The following SNX29 variants were observed in gnomAD, a reference collection of about 807,000 sequenced individuals.
The protein encoded by SNX29 is sorting nexin-29.
Under a neutral mutation model 102.1 loss-of-function variants are expected in SNX29, and 78 were observed. The observed-to-expected ratio is 0.76, with a 90% CI of 0.64 to 0.92. The LOEUF is 0.92. SNX29 is among the 40% of genes least tolerant of loss of function. The probability of loss-of-function intolerance (pLI) is 0.00; values close to 1 mark genes in which losing one functional copy is unlikely to be tolerated. For missense variants in SNX29, 1,280 were observed against 1,061.7 expected, an observed-to-expected ratio of 1.21 and a Z score of -2.86; for synonymous variants, 580 against 414.5, an observed-to-expected ratio of 1.40 and a Z score of -4.85.
At chr16:12,283,355 CTG>C (rs1286979185) in intron 15 of SNX29, among the ~76,000 whole-genome samples, 14 of 147,230 alleles carry the variant, frequency 9.5e-5, no homozygotes, top group Admixed American at 2.7e-4. Flanking sequence ...GAGCCTCACT[CTG>C]TCACCAGGCT....
At chr16:12,429,426 C>G (rs1372251277) in intron 18 of SNX29, among the ~76,000 whole-genome samples, 1 of 152,108 alleles carries the variant, frequency 6.6e-6, no homozygotes, top group East Asian at 1.9e-4. Context: ...TTCTGCTTTT[C>G]TTTTTCCTCT....
intron 13 of SNX29, among the ~76,000 whole-genome samples, chr16:12,186,888 T>A (rs923381305): frequency 2.6e-5 from 4 of 152,232 alleles, no homozygotes; most frequent in African/African-American, 7.2e-5. Flanking sequence ...CAAGTAGACT[T>A]CTGGTCTCAC....
intron 18 of SNX29, among the ~76,000 whole-genome samples, chr16:12,460,011 G>A (rs2086710346): frequency 6.6e-6 from 1 of 152,202 alleles, no homozygotes; most frequent in Admixed American, 6.5e-5. Flanking sequence ...ACAGAAGCAT[G>A]GCTCAGCTTC....
At chr16:12,470,701 C>T (rs1049007256) in intron 18 of SNX29, among the ~76,000 whole-genome samples, 6 of 152,186 alleles carry the variant, frequency 3.9e-5, no homozygotes, top group African/African-American at 9.7e-5. Flanking sequence ...TGTGTTTCCC[C>T]GCCTGCCTAG....
At chr16:12,243,859 T>G (rs2142319160) in intron 14 of SNX29, among the ~76,000 whole-genome samples, 1 of 152,286 alleles carries the variant, frequency 6.6e-6, no homozygotes, top group East Asian at 1.9e-4. Context: ...TAATAACTGT[T>G]AAAACTTTGT....
intron 18 of SNX29, among the ~76,000 whole-genome samples, chr16:12,435,169 T>A (rs1414205566): frequency 6.6e-6 from 1 of 152,166 alleles, no homozygotes; most frequent in Non-Finnish European, 1.5e-5. Context: ...CCTCTGCCTC[T>A]CCGTCTTTCT....
At chr16:12,010,071 A>G (rs1409527255) in intron 3 of SNX29, among the ~76,000 whole-genome samples, 1 of 152,222 alleles carries the variant, frequency 6.6e-6, no homozygotes, top group Non-Finnish European at 1.5e-5. Flanking sequence ...TTGCACCTCA[A>G]TATCCTCAAC....
intron 19 of SNX29, among the ~76,000 whole-genome samples, chr16:12,479,541 T>C (rs528089289): frequency 2.0e-5 from 3 of 152,336 alleles, no homozygotes; most frequent in Non-Finnish European, 4.4e-5. Context: ...ATTTTTCTGT[T>C]GAGGAAAAGT....
chr16:12,337,872 C>T (rs1044778289), intron 15 of SNX29, among the ~76,000 whole-genome samples: 6 of 152,070 alleles, frequency 3.9e-5, no homozygotes, highest in African/African-American at 7.2e-5. Flanking sequence ...ATAAAAGCTC[C>T]GAAGAAGAAA....
At chr16:12,536,715 C>T (rs187525833) in intron 20 of SNX29, among the ~76,000 whole-genome samples, 10 of 152,290 alleles carry the variant, frequency 6.6e-5, no homozygotes, top group South Asian at 6.2e-4. Context: ...TGGTGGCTCA[C>T]GCCTGTAATC....
chr16:12,256,116 G>A (rs921470308), intron 14 of SNX29, among the ~76,000 whole-genome samples: 6 of 152,144 alleles, frequency 3.9e-5, no homozygotes, highest in African/African-American at 9.7e-5. Flanking sequence ...GCATTTCTCC[G>A]ATGATTGGTA....
intron 19 of SNX29, among the ~76,000 whole-genome samples, chr16:12,492,280 G>C (rs2088589952): frequency 6.6e-6 from 1 of 152,234 alleles, no homozygotes; most frequent in Non-Finnish European, 1.5e-5. Context: ...CTCATGGCCA[G>C]TGATGATGAG....
chr16:12,396,962 T>TG (rs2083746201), intron 16 of SNX29, among the ~76,000 whole-genome samples: 1 of 152,256 alleles, frequency 6.6e-6, no homozygotes, highest in Non-Finnish European at 1.5e-5. Flanking sequence ...GTTAGGTCAC[T>TG]GCAGCCTTGA....
At position 12,043,209 on chromosome 16, in the gene SNX29, G is replaced by GA. The variant is rs2049956781; in HGVS notation, c.428+132_428+133insA. On this transcript the variant is annotated intron_variant, in intron 5 of 20. Transcript: ENST00000566228. ...AAGTGGGCCTCCCTCTGACAGCTCC[G>GA]GAGTGTTCTGCTGAGCTGTGGAGAA... 2.6e-5 allele frequency: 31 copies of GA among 1,180,108 alleles called. No individual in the cohort carries two copies. In the Admixed American group the frequency reaches 6.0e-4, roughly 23 times the overall value. The allele number at this position is 1,180,108 out of a possible 1,614,324, so 73.1% of individuals were successfully genotyped here. A position where few individuals can be genotyped will look rare whatever the true frequency, so the allele number is the denominator to read the frequency against.
intron 15 of SNX29, among the ~76,000 whole-genome samples, chr16:12,313,575 A>G (rs1253200013): frequency 6.6e-6 from 1 of 152,098 alleles, no homozygotes. Context: ...GTGGAATTCC[A>G]TCTATCCCTT....
At chr16:12,512,734 G>A (rs116423488) in intron 19 of SNX29, among the ~76,000 whole-genome samples, 4,203 of 152,144 alleles carry the variant, frequency 0.028, 138 homozygotes, top group African/African-American at 0.077. Context: ...GGACAACTAG[G>A]TGCTGTTCAC....
At chr16:12,121,555 G>A (rs996295219) in intron 11 of SNX29, among the ~76,000 whole-genome samples, 1 of 152,224 alleles carries the variant, frequency 6.6e-6, no homozygotes, top group Non-Finnish European at 1.5e-5. Flanking sequence ...AGGCTACAGG[G>A]CTCTGTAGTA....
chr16:12,556,392 T>C (rs1598009190), intron 20 of SNX29: 1 of 152,222 alleles, frequency 6.6e-6, no homozygotes, highest in South Asian at 2.1e-4. Flanking sequence ...GCACTGGCAA[T>C]ATAGTACAGA....
At chr16:12,338,052 A>G (rs1177780049) in intron 15 of SNX29, among the ~76,000 whole-genome samples, 1 of 152,184 alleles carries the variant, frequency 6.6e-6, no homozygotes, top group East Asian at 1.9e-4. Context: ...GGAGCTATTC[A>G]GTGCATCCTG....
Sources: allele counts gnomAD v4.1 joint callset (sites outside exome capture counted in the v4.1 genomes callset), GRCh38; gene constraint gnomAD v4.1.1; transcripts MANE v1.5; gene names NCBI Gene and HGNC (gene_info 2026-07-23, HGNC 2026-07-21).